Variants in ABCB1 observed in about 807,000 individuals in gnomAD.
The protein encoded by ABCB1 is ATP binding cassette subfamily B member 1, also known as ATP-dependent translocase ABCB1.
Under a neutral mutation model 142.0 loss-of-function variants are expected in ABCB1, and 69 were observed. That is an observed-to-expected ratio of 0.49 (90% CI 0.40 to 0.59). The LOEUF (loss-of-function observed/expected upper bound fraction) is 0.59, where lower values mean the gene tolerates loss of function less well. ABCB1 is among the 20% of genes least tolerant of loss of function. ABCB1 has a pLI of 0.00. For synonymous variants in ABCB1, 532 were observed against 539.2 expected (o/e 0.99, Z 0.18); for missense variants, 1,326 against 1,554.7 (o/e 0.85, Z 2.47).
intron 4 of ABCB1, among the ~76,000 whole-genome samples, chr7:87,576,214 C>A (rs888601447): frequency 6.6e-6 from 1 of 150,748 alleles, no homozygotes; most frequent in Non-Finnish European, 1.5e-5. Flanking sequence ...GTAACTAATT[C>A]TACTTTTTGG....
intron 1 of ABCB1, among the ~76,000 whole-genome samples, chr7:87,680,236 A>T (rs983238400): frequency 6.0e-5 from 9 of 150,416 alleles, no homozygotes; most frequent in African/African-American, 2.2e-4. Flanking sequence ...GTAGTATTCC[A>T]TGGTGTGTAT....
At chr7:87,508,483 C>A (rs917009574) in intron 26 of ABCB1, among the ~76,000 whole-genome samples, 4 of 152,050 alleles carry the variant, frequency 2.6e-5, no homozygotes, top group Admixed American at 1.3e-4. Context: ...CAAAACAAAA[C>A]AAAACACAAA....
chr7:87,536,472 C>T lies in ABCB1; in HGVS notation c.2467G>A (p.Ala823Thr), dbSNP rs1289543302. 1.9e-6 allele frequency: 3 copies of T among 1,613,962 alleles called. No homozygotes were observed. Among genetic ancestry groups the T allele is most frequent in the Non-Finnish European group, 2.5e-6 (3 of 1,179,884 alleles). Residue 823 changes from alanine (A) to threonine (T), a missense_variant, in exon 20 of 28, where the codon GCT becomes ACT. By Grantham distance (58) the Ala-to-Thr change is moderately conservative. Transcript: ENST00000622132. ...ALTTRLANDA[A>T]QVKGAIGSRL... ...GAGGCACGTACCCCTTTAACTTGAGCAGCATCATTGGCGAGCCTGGTAGTC... is the reference window on the plus strand; with the variant it reads ...GAGGCACGTACCCCTTTAACTTGAGTAGCATCATTGGCGAGCCTGGTAGTC...
chr7:87,641,316 G>A (rs1463359635), intron 1 of ABCB1, among the ~76,000 whole-genome samples: 1 of 152,124 alleles, frequency 6.6e-6, no homozygotes, highest in Non-Finnish European at 1.5e-5. Context: ...CAATAGTGTA[G>A]GTTAATGACC....
Position 87,585,599 on chromosome 7 carries a change from G to A in ABCB1, c.199C>T (p.Leu67Phe), listed in dbSNP as rs1169254481. The A allele has an allele frequency of 1.2e-6, 2 of 1,613,884 alleles. No homozygotes were observed. The highest frequency in any genetic ancestry group is 1.7e-6 in the Non-Finnish European group (2 of 1,179,938). Residue 67 changes from leucine to phenylalanine, a missense_variant, in exon 4 of 28, where the codon CTC (leucine) becomes TTC (phenylalanine). Coordinates refer to ENST00000622132, the MANE Select transcript of ABCB1 (RefSeq NM_001348946.2). ...ATTTCTCCAAACACCAGCATCATGA[G>A]AGGAAGTCCAGCCCCATGGATGATG... The part of the protein sequence containing the change: ...AAIIHGAGLP[L>F]MMLVFGEMTD...
intron 1 of ABCB1, among the ~76,000 whole-genome samples, chr7:87,689,344 C>T (rs1287519481): frequency 6.6e-6 from 1 of 152,046 alleles, no homozygotes; most frequent in Non-Finnish European, 1.5e-5. Flanking sequence ...ATTAATGAGA[C>T]ATTTCCAGTT....
intron 4 of ABCB1, among the ~76,000 whole-genome samples, chr7:87,584,553 A>G (rs1317645121): frequency 6.6e-6 from 1 of 152,114 alleles, no homozygotes; most frequent in Non-Finnish European, 1.5e-5. Flanking sequence ...AGAGAGAGAG[A>G]GGGAGAGAGA....
At chr7:87,657,408 C>T (rs1824215240) in intron 1 of ABCB1, among the ~76,000 whole-genome samples, 1 of 152,062 alleles carries the variant, frequency 6.6e-6, no homozygotes, top group Non-Finnish European at 1.5e-5. Context: ...AAACATCACA[C>T]AAAAAAACCG....
chr7:87,562,016 C>T (rs1817579851), intron 7 of ABCB1, among the ~76,000 whole-genome samples: 1 of 152,048 alleles, frequency 6.6e-6, no homozygotes, highest in Non-Finnish European at 1.5e-5. Context: ...TACACAAAAC[C>T]AATTTATTTT....
chr7:87,629,016 CT>C, intron 1 of ABCB1: 1 of 1,262,308 alleles, frequency 7.9e-7, no homozygotes, highest in East Asian at 2.9e-5. Flanking sequence ...CGCGCGGGTC[CT>C]TGGGGGTCCC....
At chr7:87,530,785 AAAAGAAAG>A (rs1169069796) in intron 21 of ABCB1, among the ~76,000 whole-genome samples, 19 of 129,896 alleles carry the variant, frequency 1.5e-4, no homozygotes, top group African/African-American at 2.7e-4. Flanking sequence ...AGCTTGAAAG[AAAAGAAAG>A]AAAGCAAGAA....
intron 8 of ABCB1, among the ~76,000 whole-genome samples, chr7:87,555,088 G>A (rs779350833): frequency 6.6e-6 from 1 of 152,120 alleles, no homozygotes; most frequent in Admixed American, 6.5e-5. Flanking sequence ...TCTATAACTC[G>A]ACCTTCATTT....
At position 87,633,028 on chromosome 7, in the gene ABCB1, A is replaced by G. The variant is rs1045920427; in HGVS notation, c.-330-31950T>C. 2.0e-4 allele frequency among the ~76,000 whole-genome samples: 30 copies of G among 152,196 alleles called. 1 individual carries two copies. The highest frequency in any genetic ancestry group is 3.9e-4 in the Admixed American group (6 of 15,268). Reference sequence around the variant, plus strand: ...TTTCACAATTCAAGTGTTTTTAATAACATATGAATAGTCTTAGTTTTCTAT... The same window carrying G: ...TTTCACAATTCAAGTGTTTTTAATAGCATATGAATAGTCTTAGTTTTCTAT... On this transcript the variant is annotated intron_variant, in intron 1 of 28. Coordinates refer to the ABCB1 transcript ENST00000265724.
chr7:87,578,243 T>C (rs188238957), intron 4 of ABCB1, among the ~76,000 whole-genome samples: 1 of 152,342 alleles, frequency 6.6e-6, no homozygotes, highest in African/African-American at 2.4e-5. Context: ...TTTGTGGATT[T>C]ATGTCTGCAT....
At chr7:87,632,475 C>G (rs964552924) in intron 1 of ABCB1, among the ~76,000 whole-genome samples, 1 of 151,972 alleles carries the variant, frequency 6.6e-6, no homozygotes, top group Non-Finnish European at 1.5e-5. Flanking sequence ...ACTGTTTTTT[C>G]ATATTTTTCA....
In ABCB1 at chr7:87,566,065, C is replaced by T. The variant is rs1817772476; in HGVS notation, c.702+5G>A. 1 of 1,614,002 alleles carries T rather than the reference C, an allele frequency of 6.2e-7. No homozygotes were observed. ...TCAAAATCTGGATTCACAGGCTTCA[C>T]CTACCTTTGCCCAGACAGCAGCTGA... On this transcript the variant is annotated splice_donor_5th_base_variant and intron_variant, in intron 7 of 27. Coordinates refer to ENST00000622132, the MANE Select transcript of ABCB1 (RefSeq NM_001348946.2).
chr7:87,634,577 G>C (rs1002029988), intron 1 of ABCB1, among the ~76,000 whole-genome samples: 3 of 150,644 alleles, frequency 2.0e-5, no homozygotes, highest in Non-Finnish European at 4.4e-5. Flanking sequence ...GCAGTGAGCC[G>C]AGATTCACTA....
At chr7:87,590,107 T>G (rs1818937461) in intron 3 of ABCB1, among the ~76,000 whole-genome samples, 1 of 152,156 alleles carries the variant, frequency 6.6e-6, no homozygotes, top group Non-Finnish European at 1.5e-5. Flanking sequence ...TCAAGGGATA[T>G]GTGAATATTT....
chr7:87,670,209 T>G (rs1361279766), intron 1 of ABCB1, among the ~76,000 whole-genome samples: 2 of 152,248 alleles, frequency 1.3e-5, no homozygotes, highest in East Asian at 1.9e-4. Flanking sequence ...CTTTCTTATT[T>G]CAGAGAACCA....
Sources: gnomAD v4.1 joint callset for allele counts (sites outside exome capture counted in the v4.1 genomes callset) on GRCh38, gnomAD v4.1.1 for gene constraint, MANE v1.5 for transcripts, NCBI Gene and HGNC (gene_info 2026-07-23, HGNC 2026-07-21) for gene names.